The following PHF14 variants were observed in gnomAD, a reference collection of about 807,000 sequenced individuals.
PHF14 encodes PHD finger protein 14.
PHF14 carries 55 observed loss-of-function variants against 117.9 expected under a neutral mutation model. That is an observed-to-expected ratio of 0.47 (90% CI 0.38 to 0.58). The LOEUF (loss-of-function observed/expected upper bound fraction) is 0.58, where lower values mean the gene tolerates loss of function less well. Ranked by LOEUF, PHF14 falls within the 20% of genes least tolerant of loss-of-function variation. The probability of loss-of-function intolerance (pLI) is 0.00; values close to 1 mark genes in which losing one functional copy is unlikely to be tolerated. For synonymous variants in PHF14, 409 were observed against 368.6 expected, an observed-to-expected ratio of 1.11 and a Z score of -1.26; for missense variants, 978 against 1,122.2, an observed-to-expected ratio of 0.87 and a Z score of 1.84.
intron 17 of PHF14, among the ~76,000 whole-genome samples, chr7:11,135,272 T>A (rs1444784353): frequency 6.6e-6 from 1 of 151,270 alleles, no homozygotes; most frequent in Non-Finnish European, 1.5e-5. Flanking sequence ...TGAGGGGGGG[T>A]TCTTTTGTCA....
chr7:11,141,504 G>A (rs930757224), intron 17 of PHF14, among the ~76,000 whole-genome samples: 17 of 151,990 alleles, frequency 1.1e-4, no homozygotes, highest in African/African-American at 3.1e-4. Flanking sequence ...TGCTAGTTGG[G>A]TTTATTGTTT....
At chr7:11,168,303 A>G (rs1231644501) in intron 17 of PHF14, among the ~76,000 whole-genome samples, 1 of 152,094 alleles carries the variant, frequency 6.6e-6, no homozygotes, top group East Asian at 1.9e-4. Flanking sequence ...CAGTGTTAAC[A>G]AAGTCTAAAT....
chr7:11,155,946 A>G (rs995103864), intron 17 of PHF14, among the ~76,000 whole-genome samples: 1 of 152,150 alleles, frequency 6.6e-6, no homozygotes, highest in African/African-American at 2.4e-5. Context: ...AGCCTATATT[A>G]TGAAATATTG....
At chr7:11,039,065 A>G (rs1308849311) in intron 11 of PHF14, among the ~76,000 whole-genome samples, 3 of 152,174 alleles carry the variant, frequency 2.0e-5, no homozygotes, top group Non-Finnish European at 4.4e-5. Context: ...GGTTGTTTCA[A>G]CAGCTATCTT....
intron 14 of PHF14, among the ~76,000 whole-genome samples, chr7:11,060,674 T>G (rs1305923657): frequency 6.6e-6 from 1 of 152,212 alleles, no homozygotes; most frequent in Middle Eastern, 3.2e-3. Flanking sequence ...TCTTTGGAAG[T>G]CAGAATTGTA....
chr7:11,002,955 C>G, intron 4 of PHF14, among the ~76,000 whole-genome samples: 1 of 148,374 alleles, frequency 6.7e-6, no homozygotes, highest in South Asian at 2.1e-4. Flanking sequence ...ATTTTTCTTT[C>G]TTTTTTTTTT....
At chr7:11,106,432 C>T (rs1463408870) in intron 16 of PHF14, 3 of 950,358 alleles carry the variant, frequency 3.2e-6, no homozygotes, top group Non-Finnish European at 3.8e-6. Context: ...TGTATAGAAA[C>T]TGCTCATGTA....
chr7:11,027,955 G>C (rs1443348500), intron 6 of PHF14, among the ~76,000 whole-genome samples: 1 of 151,928 alleles, frequency 6.6e-6, no homozygotes, highest in African/African-American at 2.4e-5. Flanking sequence ...GTGTAAAATG[G>C]GAATAGTTAT....
chr7:11,061,541 TC>T, intron 14 of PHF14: 1 of 263,282 alleles, frequency 3.8e-6, no homozygotes, highest in Non-Finnish European at 7.0e-6. Flanking sequence ...TCATTTTTTT[TC>T]TATCAGATAC....
At chr7:11,019,233 G>A (rs1783639756) in intron 5 of PHF14, among the ~76,000 whole-genome samples, 1 of 152,130 alleles carries the variant, frequency 6.6e-6, no homozygotes, top group Non-Finnish European at 1.5e-5. Flanking sequence ...TGGTATCAGA[G>A]TAACACTGGC....
intron 17 of PHF14, among the ~76,000 whole-genome samples, chr7:11,155,595 G>A (rs1002001415): frequency 6.6e-6 from 1 of 151,958 alleles, no homozygotes; most frequent in Non-Finnish European, 1.5e-5. Flanking sequence ...GGAGAGTAGG[G>A]GACTTTGCTG....
Position 11,038,806 on chromosome 7 carries a change from G to T in PHF14, c.2027G>T (p.Arg676Leu). Residue 676 changes from arginine to leucine, a missense_variant, in exon 11 of 18, where the codon CGA becomes CTA. By Grantham distance (102) the Arg-to-Leu change is moderately radical. This residue lies in a region of PHF14 where 237 missense variants were observed against 276.4 expected (regional missense o/e 0.86). Coordinates refer to ENST00000634607, the MANE Select transcript of PHF14 (RefSeq NM_001007157.2). ...EELQNLNGKL[R>L]SEGQGIWALL... ...CTACAAAACCTGAATGGAAAACTTC[G>T]AAGTGAAGGACAAGGAATATGGGCT... 6.3e-7 allele frequency: 1 copy of T among 1,597,586 alleles called. No individual in the cohort carries two copies. The highest frequency in any genetic ancestry group is 8.5e-7 in the Non-Finnish European group (1 of 1,170,358).
chr7:11,083,900 T>C (rs1786270059), intron 16 of PHF14, among the ~76,000 whole-genome samples: 1 of 152,106 alleles, frequency 6.6e-6, no homozygotes, highest in South Asian at 2.1e-4. Flanking sequence ...AGAAAATAAA[T>C]AATGGAGGAA....
At chr7:11,032,762 G>T (rs1213825788) in intron 7 of PHF14, among the ~76,000 whole-genome samples, 1 of 152,132 alleles carries the variant, frequency 6.6e-6, no homozygotes, top group African/African-American at 2.4e-5. Context: ...ACCCATTTAT[G>T]TTGACTATTA....
intron 16 of PHF14, among the ~76,000 whole-genome samples, chr7:11,065,351 A>G (rs117683238): frequency 0.027 from 4,064 of 152,208 alleles, 74 homozygotes; most frequent in Non-Finnish European, 0.036. Flanking sequence ...TGTTGGAAGT[A>G]GTTATGGAAC....
chr7:11,091,484 C>T (rs899753253), intron 16 of PHF14, among the ~76,000 whole-genome samples: 1 of 151,840 alleles, frequency 6.6e-6, no homozygotes, highest in African/African-American at 2.4e-5. Context: ...AGCTGCTTGC[C>T]GTTGCTCACG....
intron 11 of PHF14, among the ~76,000 whole-genome samples, chr7:11,040,047 G>A (rs1784448791): frequency 6.6e-6 from 1 of 152,126 alleles, no homozygotes; most frequent in Admixed American, 6.5e-5. Flanking sequence ...ACTTTTAACA[G>A]AGGTTTGCAA....
At chr7:11,010,637 T>C (rs1783319904) in intron 4 of PHF14, among the ~76,000 whole-genome samples, 1 of 151,888 alleles carries the variant, frequency 6.6e-6, no homozygotes, top group Non-Finnish European at 1.5e-5. Flanking sequence ...CATATATACA[T>C]ATATATATAC....
intron 17 of PHF14, among the ~76,000 whole-genome samples, chr7:11,150,394 G>C (rs1788670944): frequency 6.6e-6 from 1 of 152,084 alleles, no homozygotes; most frequent in Non-Finnish European, 1.5e-5. Context: ...ACACAGGTTT[G>C]CCTTTCAAGT....
Sources: allele counts gnomAD v4.1 joint callset (sites outside exome capture counted in the v4.1 genomes callset), GRCh38; gene constraint gnomAD v4.1.1; regional missense constraint gnomAD v4.1.1; transcripts MANE v1.5; gene names NCBI Gene and HGNC (gene_info 2026-07-23, HGNC 2026-07-21).